AGTPBP1: variants seen among roughly 807,000 people sequenced by gnomAD.
AGTPBP1 encodes ATP/GTP binding carboxypeptidase 1.
AGTPBP1 carries 70 observed loss-of-function variants against 143.9 expected under a neutral mutation model. The ratio of observed to expected loss-of-function variants is 0.49; its 90% CI spans 0.40 to 0.59. The LOEUF is 0.59. Ranked by LOEUF, AGTPBP1 falls within the 20% of genes least tolerant of loss-of-function variation. The pLI, the probability that AGTPBP1 is intolerant of heterozygous loss-of-function variation, is 0.00. For missense variants in AGTPBP1, 1,229 were observed against 1,464.5 expected (o/e 0.84, Z 2.62); for synonymous variants, 463 against 500.2 (o/e 0.93, Z 0.99).
At position 85,648,067 on chromosome 9, in the gene AGTPBP1, T is replaced by A. The variant is rs181251034; in HGVS notation, c.1088-1649A>T. 4.2e-3 allele frequency among the ~76,000 whole-genome samples: 638 copies of A among 152,112 alleles called. 4 individuals carry two copies. The highest frequency in any genetic ancestry group is 0.015 in the African/African-American group (612 of 41,486). On this transcript the variant is annotated intron_variant, in intron 11 of 25. Transcript: ENST00000357081. ...ATGTTGTAGCAGGATAGCACAGGGG[T>A]TCTAGAAACAGAATACCTGAATTCA...
At chr9:85,646,027 A>G (rs1832787805) in intron 12 of AGTPBP1, among the ~76,000 whole-genome samples, 2 of 152,160 alleles carry the variant, frequency 1.3e-5, no homozygotes, top group African/African-American at 4.8e-5. Flanking sequence ...AAGTTGCCAC[A>G]AGAGAGTTTC....
intron 17 of AGTPBP1, among the ~76,000 whole-genome samples, chr9:85,614,258 TA>T (rs111275355): frequency 0.01 from 1,579 of 151,990 alleles, 35 homozygotes; most frequent in African/African-American, 0.036. Context: ...AAATTCTAGG[TA>T]TCAAGAAAAT....
At chr9:85,654,016 T>C (rs1462365897) in intron 11 of AGTPBP1, among the ~76,000 whole-genome samples, 1 of 152,230 alleles carries the variant, frequency 6.6e-6, no homozygotes, top group Non-Finnish European at 1.5e-5. Flanking sequence ...TTTTAATAAC[T>C]ACATATTTTA....
At chr9:85,558,314 G>A (rs1416028741) in intron 25 of AGTPBP1, among the ~76,000 whole-genome samples, 1 of 152,136 alleles carries the variant, frequency 6.6e-6, no homozygotes, top group Non-Finnish European at 1.5e-5. Flanking sequence ...GGAGATCAGT[G>A]GTTGCCAGGG....
At chr9:85,641,687 C>A (rs1832479188) in intron 13 of AGTPBP1, among the ~76,000 whole-genome samples, 1 of 151,822 alleles carries the variant, frequency 6.6e-6, no homozygotes, top group Admixed American at 6.6e-5. Context: ...AATGTAAATT[C>A]TAGGTGATAA....
intron 1 of AGTPBP1, among the ~76,000 whole-genome samples, chr9:85,726,601 G>A (rs780487957): frequency 6.6e-6 from 1 of 152,204 alleles, no homozygotes; most frequent in Non-Finnish European, 1.5e-5. Flanking sequence ...ATGCAAATAA[G>A]TATCAATGGA....
intron 17 of AGTPBP1, among the ~76,000 whole-genome samples, chr9:85,614,143 G>A (rs1830477240): frequency 6.6e-6 from 1 of 151,916 alleles, no homozygotes; most frequent in Non-Finnish European, 1.5e-5. Flanking sequence ...TCCCATTGAA[G>A]TTAAAATAAA....
At chr9:85,564,352 C>T (rs906003557) in intron 25 of AGTPBP1, among the ~76,000 whole-genome samples, 5 of 152,190 alleles carry the variant, frequency 3.3e-5, no homozygotes, top group African/African-American at 1.2e-4. Context: ...TCTTGTCCTA[C>T]CATTGTATTT....
intron 22 of AGTPBP1, among the ~76,000 whole-genome samples, chr9:85,586,567 T>A (rs1467448169): frequency 6.6e-6 from 1 of 152,166 alleles, no homozygotes; most frequent in Non-Finnish European, 1.5e-5. Context: ...AGTTTGAGAA[T>A]TTGGAAGATA....
intron 1 of AGTPBP1, among the ~76,000 whole-genome samples, chr9:85,730,643 G>A (rs1587996117): frequency 6.6e-6 from 1 of 152,144 alleles, no homozygotes. Context: ...AATGCCACTA[G>A]TGCTGTACCA....
intron 2 of AGTPBP1, among the ~76,000 whole-genome samples, chr9:85,697,183 A>G (rs530278120): frequency 1.3e-5 from 2 of 152,080 alleles, no homozygotes; most frequent in Admixed American, 6.5e-5. Flanking sequence ...AACACACACA[A>G]AAAAATGTAT....
At chr9:85,720,759 G>A (rs1459316140) in intron 1 of AGTPBP1, among the ~76,000 whole-genome samples, 1 of 151,992 alleles carries the variant, frequency 6.6e-6, no homozygotes, top group Non-Finnish European at 1.5e-5. Context: ...TGATGTTAGG[G>A]CGTCGATTTT....
At chr9:85,713,202 A>G (rs1432259021) in intron 1 of AGTPBP1, among the ~76,000 whole-genome samples, 1 of 152,216 alleles carries the variant, frequency 6.6e-6, no homozygotes, top group Non-Finnish European at 1.5e-5. Context: ...ATTTTTTGGC[A>G]TCACCAAAAA....
At chr9:85,691,539 GTGT>G (rs1564149902) in intron 3 of AGTPBP1, among the ~76,000 whole-genome samples, 43 of 146,540 alleles carry the variant, frequency 2.9e-4, no homozygotes, top group African/African-American at 1.0e-3. Context: ...AAAAGAGGGT[GTGT>G]GTGTGTGTGT....
chr9:85,686,180 T>A (rs576906402), intron 3 of AGTPBP1, among the ~76,000 whole-genome samples: 46 of 151,956 alleles, frequency 3.0e-4, no homozygotes, highest in East Asian at 1.7e-3. Flanking sequence ...TGTTTTTTTT[T>A]AAAAAGATCC....
chr9:85,686,374 A>G (rs903665995), intron 3 of AGTPBP1, among the ~76,000 whole-genome samples: 1 of 152,128 alleles, frequency 6.6e-6, no homozygotes, highest in African/African-American at 2.4e-5. Context: ...GAAACTTTCC[A>G]TAATTATAAA....
Position 85,621,861 on chromosome 9 carries a change from T to A in AGTPBP1, c.2016-576A>T, listed in dbSNP as rs76050612. Among the ~76,000 whole-genome samples the A allele has an allele frequency of 8.3e-4, 126 of 152,222 alleles. 1 individual carries two copies. The East Asian group carries it at 0.023, about 28-fold the overall frequency. ...AGCATGCAAAATTCTCTAGACTTAA[T>A]CTCTCCCTGAATCAGTCCAACAAAA... On this transcript the variant is annotated intron_variant, in intron 14 of 25. Transcript: ENST00000357081.
At position 85,646,416 on chromosome 9, in the gene AGTPBP1, C is replaced by G; in HGVS notation, c.1090G>C (p.Asp364His). ...AQLYSLPPEV[D>H]DVVDESDDND... ...TCATCACTTTCATCTACTACGTCAT[C>G]CACTATGATACAAAATGTGCTATAA... The change falls in exon 12 of 26, where the codon GAT becomes CAT. Residue 364 changes from aspartate to histidine, a missense_variant and splice_region_variant. Around this residue, in one of 2 missense-constraint regions of AGTPBP1, gnomAD observed 743 missense variants for 812.2 expected, o/e 0.91. Coordinates refer to ENST00000357081, the MANE Select transcript of AGTPBP1 (RefSeq NM_001330701.2). 1 of 1,611,604 alleles carries G rather than the reference C, an allele frequency of 6.2e-7. No individual in the cohort carries two copies. The highest frequency in any genetic ancestry group is 8.5e-7 in the Non-Finnish European group (1 of 1,178,806).
At chr9:85,737,786 T>C (rs1267962938) in intron 1 of AGTPBP1, among the ~76,000 whole-genome samples, 2 of 152,164 alleles carry the variant, frequency 1.3e-5, no homozygotes, top group East Asian at 1.9e-4. Context: ...CTTTAAGAAA[T>C]TGCCACTTAC....
Sources: gnomAD v4.1 joint callset for allele counts (sites outside exome capture counted in the v4.1 genomes callset) on GRCh38, gnomAD v4.1.1 for gene constraint, gnomAD v4.1.1 regional missense constraint, MANE v1.5 for transcripts, NCBI Gene and HGNC (gene_info 2026-07-23, HGNC 2026-07-21) for gene names.